AKAP13: variants seen among roughly 807,000 people sequenced by gnomAD.
AKAP13 encodes the protein A-kinase anchoring protein 13, also known as A-kinase anchor protein 13.
In AKAP13, 80 loss-of-function variants were observed where a neutral mutation model predicts 264.5. The ratio of observed to expected loss-of-function variants is 0.30; its 90% confidence interval spans 0.25 to 0.36. AKAP13 has a LOEUF of 0.36. Among genes scored for constraint, AKAP13 ranks in the 10% least tolerant of loss-of-function variants. AKAP13 has a pLI of 1.00. For missense variants in AKAP13, 3,712 were observed against 3,435.2 expected (o/e 1.08, Z -2.01); for synonymous variants, 1,380 against 1,250.2 (o/e 1.10, Z -2.19).
At chr15:85,577,815 G>A in intron 6 of AKAP13, 3 of 985,294 alleles carry the variant, frequency 3.0e-6, no homozygotes, top group South Asian at 9.4e-5. Context: ...CCCATAACTC[G>A]ATGGTTAAGT....
intron 34 of AKAP13, 25 bp from the exon 35 acceptor site, chr15:85,741,021 G>C (rs2088935350): frequency 1.3e-6 from 2 of 1,581,512 alleles, no homozygotes; most frequent in Admixed American, 1.7e-5. Flanking sequence ...CAGAGTTGCA[G>C]GGCTCCCCTC....
At chr15:85,484,083 T>G (rs961487791) in intron 1 of AKAP13, among the ~76,000 whole-genome samples, 20 of 152,140 alleles carry the variant, frequency 1.3e-4, no homozygotes, top group South Asian at 6.2e-4. Context: ...GTCCATAAAT[T>G]TATAGGTTCT....
At chr15:85,658,131 T>G (rs1596940230) in intron 11 of AKAP13, among the ~76,000 whole-genome samples, 2 of 152,218 alleles carry the variant, frequency 1.3e-5, no homozygotes, top group East Asian at 3.8e-4. Context: ...ACTGTCCTAA[T>G]ACCTCTGAAG....
intron 2 of AKAP13, among the ~76,000 whole-genome samples, chr15:85,494,656 G>A (rs1431249944): frequency 6.6e-6 from 1 of 152,180 alleles, no homozygotes; most frequent in African/African-American, 2.4e-5. Context: ...TTCCGGAAGA[G>A]TGAGGATATT....
intron 32 of AKAP13, among the ~76,000 whole-genome samples, 161 bp from the exon 33 acceptor site, chr15:85,735,929 C>A (rs574148883): frequency 6.6e-6 from 1 of 152,286 alleles, no homozygotes; most frequent in East Asian, 1.9e-4. Flanking sequence ...GACCTCCTTA[C>A]AAGGTATCAG....
intron 1 of AKAP13, among the ~76,000 whole-genome samples, chr15:85,453,644 A>G (rs1179377002): frequency 1.3e-5 from 2 of 152,176 alleles, no homozygotes; most frequent in Non-Finnish European, 2.9e-5. Context: ...ATTTTGGTAG[A>G]GCATGTGTGC....
At chr15:85,709,111 G>A (rs183163338) in intron 18 of AKAP13, among the ~76,000 whole-genome samples, 7 of 152,228 alleles carry the variant, frequency 4.6e-5, no homozygotes, top group African/African-American at 1.7e-4. Context: ...GTGAGTTAGT[G>A]CAGCTCTTTC....
intron 8 of AKAP13, among the ~76,000 whole-genome samples, chr15:85,632,711 T>A (rs191300464): frequency 6.6e-6 from 1 of 152,292 alleles, no homozygotes; most frequent in East Asian, 1.9e-4. Flanking sequence ...TTGTAAAATA[T>A]GAAACTCACT....
intron 1 of AKAP13, among the ~76,000 whole-genome samples, chr15:85,483,054 C>T (rs1363013593): frequency 1.2e-4 from 18 of 152,176 alleles, no homozygotes; most frequent in Non-Finnish European, 1.5e-5. Context: ...GTTTATAATT[C>T]CGAACAGTTC....
At chr15:85,625,604 G>A (rs187186252) in intron 8 of AKAP13, among the ~76,000 whole-genome samples, 60 of 152,292 alleles carry the variant, frequency 3.9e-4, no homozygotes, top group Admixed American at 2.0e-4. Context: ...CATCACGCCT[G>A]TAACCCCAGC....
intron 5 of AKAP13, among the ~76,000 whole-genome samples, chr15:85,566,745 G>C (rs1407004064): frequency 6.6e-6 from 1 of 150,732 alleles, no homozygotes; most frequent in African/African-American, 2.4e-5. Flanking sequence ...TTCTGCCTCA[G>C]ACTTCTGAGT....
chr15:85,619,362 G>A, intron 8 of AKAP13: 1 of 982,882 alleles, frequency 1.0e-6, no homozygotes, highest in Non-Finnish European at 1.2e-6. Context: ...AGGAGGGAGG[G>A]AGGGAGTACA....
At chr15:85,510,435 T>C (rs1217493029) in intron 2 of AKAP13, among the ~76,000 whole-genome samples, 1 of 152,238 alleles carries the variant, frequency 6.6e-6, no homozygotes, top group Non-Finnish European at 1.5e-5. Flanking sequence ...TTATTGCTAG[T>C]ATACAATTAT....
At chr15:85,493,892 A>G (rs1229845833) in intron 2 of AKAP13, among the ~76,000 whole-genome samples, 2 of 152,238 alleles carry the variant, frequency 1.3e-5, no homozygotes, top group Non-Finnish European at 2.9e-5. Context: ...TTAAATAACC[A>G]TGTGTATCCA....
intron 2 of AKAP13, among the ~76,000 whole-genome samples, chr15:85,509,439 G>C (rs756426): frequency 2.0e-5 from 3 of 152,106 alleles, no homozygotes; most frequent in African/African-American, 4.8e-5. Flanking sequence ...AATACTAAAG[G>C]ACCAACAGAA....
At chr15:85,483,587 C>G (rs1229526259) in intron 1 of AKAP13, among the ~76,000 whole-genome samples, 2 of 144,114 alleles carry the variant, frequency 1.4e-5, no homozygotes, top group Non-Finnish European at 3.0e-5. Context: ...GATTGCGCCA[C>G]TGCAGTCCGC....
intron 26 of AKAP13, among the ~76,000 whole-genome samples, 155 bp downstream of exon 26, chr15:85,723,475 T>A (rs576026828): frequency 6.6e-6 from 1 of 152,292 alleles, no homozygotes; most frequent in African/African-American, 2.4e-5. Flanking sequence ...TTCGTAATCT[T>A]ATATCAAAAA....
At chr15:85,403,499 C>A (rs1258983131) in intron 1 of AKAP13, among the ~76,000 whole-genome samples, 1 of 152,156 alleles carries the variant, frequency 6.6e-6, no homozygotes, top group Non-Finnish European at 1.5e-5. Context: ...GGTCTTGTGA[C>A]TTGCTGTGTC....
At chr15:85,476,647 C>G (rs2075173714) in intron 1 of AKAP13, among the ~76,000 whole-genome samples, 1 of 152,152 alleles carries the variant, frequency 6.6e-6, no homozygotes, top group African/African-American at 2.4e-5. Context: ...CAGTAAGTGC[C>G]ACATTTACAA....
Sources: gnomAD v4.1 joint callset for allele counts (sites outside exome capture counted in the v4.1 genomes callset) on GRCh38, gnomAD v4.1.1 for gene constraint, MANE v1.5 for transcripts, NCBI Gene and HGNC (gene_info 2026-07-23, HGNC 2026-07-21) for gene names.